IFI16: variants seen among roughly 807,000 people sequenced by gnomAD.
The protein encoded by IFI16 is gamma-interferon-inducible protein 16.
Under a neutral mutation model 68.4 loss-of-function variants are expected in IFI16, and 49 were observed. The observed-to-expected ratio is 0.72, with a 90% CI of 0.57 to 0.91. IFI16 has a LOEUF of 0.91. Ranked by LOEUF, IFI16 falls within the 40% of genes least tolerant of loss-of-function variation. The pLI is 0.00. For missense variants in IFI16, 878 were observed against 942.9 expected (o/e 0.93, Z 0.90); for synonymous variants, 307 against 315.0 (o/e 0.97, Z 0.27).
At chr1:159,020,673 CT>C (rs1429575015) in intron 6 of IFI16, 144 bp downstream of exon 6, 3 of 513,326 alleles carry the variant, frequency 5.8e-6, no homozygotes, top group East Asian at 3.2e-5. Context: ...TTCACATTTA[CT>C]TTTTTTAATT....
At position 159,016,523 on chromosome 1, in the gene IFI16, C is replaced by T. The variant is rs1256245135; in HGVS notation, c.382-10C>T. Reference sequence around the variant, plus strand: ...GAAAACGAATAACAGGAAAATCAAACCACTTTCAGAAAAGAAAAAAATCAA... The same window carrying T: ...GAAAACGAATAACAGGAAAATCAAATCACTTTCAGAAAAGAAAAAAATCAA... On this transcript the variant is annotated splice_polypyrimidine_tract_variant and intron_variant, in intron 3 of 11. Transcript: ENST00000295809. 1.5e-5 allele frequency: 24 copies of T among 1,600,954 alleles called. No homozygotes were observed. The highest frequency in any genetic ancestry group is 2.0e-5 in the Non-Finnish European group (24 of 1,174,784).
At chr1:159,027,166 CAT>C (rs1653722072) in intron 6 of IFI16, among the ~76,000 whole-genome samples, 2 of 152,272 alleles carry the variant, frequency 1.3e-5, no homozygotes, top group South Asian at 2.1e-4. Context: ...GTGGGTTTGT[CAT>C]AGACGGCTTT....
chr1:159,029,374 G>C (rs1186102643), intron 6 of IFI16, among the ~76,000 whole-genome samples: 1 of 152,108 alleles, frequency 6.6e-6, no homozygotes, highest in Non-Finnish European at 1.5e-5. Context: ...AATCTGATAG[G>C]TTCCTTTATA....
chr1:159,052,553 GCTTT>G (rs1655429298), intron 10 of IFI16: 4 of 158,400 alleles, frequency 2.5e-5, no homozygotes, highest in Non-Finnish European at 5.6e-5. Context: ...AGACTACTCT[GCTTT>G]AGAATGCAGC....
At chr1:159,027,470 A>G (rs1653742632) in intron 6 of IFI16, among the ~76,000 whole-genome samples, 1 of 152,072 alleles carries the variant, frequency 6.6e-6, no homozygotes, top group Non-Finnish European at 1.5e-5. Flanking sequence ...CATCAGGGAT[A>G]TTGGTCTGTA....
chr1:159,009,963 GTGACTCAAC>G lies in IFI16; in HGVS notation c.-218_-210del, dbSNP rs1296645129. The G allele has an allele frequency of 1.3e-5, 2 of 152,142 alleles. No individual in the cohort carries two copies. The highest frequency in any genetic ancestry group is 4.8e-5 in the African/African-American group (2 of 41,404). The allele number at this position is 152,142 out of a possible 1,614,324, so 9.4% of individuals were successfully genotyped here. A position where few individuals can be genotyped will look rare whatever the true frequency, so the allele number is the denominator to read the frequency against. ...AAGCCAGCACTAGTCAGCTAACTAA[GTGACTCAAC>G]CAAGGCCTTTTTTCCTTGTTATCTT... On this transcript the variant is annotated 5_prime_UTR_variant, in exon 1 of 12. Coordinates refer to ENST00000295809, the MANE Select transcript of IFI16 (RefSeq NM_001376587.1).
chr1:159,018,420 C>G lies in IFI16; in HGVS notation c.741C>G (p.Thr247=), dbSNP rs770803580. 6.2e-7 allele frequency: 1 copy of G among 1,613,686 alleles called. No individual in the cohort carries two copies. Among genetic ancestry groups the G allele is most frequent in the Non-Finnish European group, 8.5e-7 (1 of 1,179,640 alleles). ...TCTTCCATGTGAAGGTTTTAAACACCAGCTTGAAGGAGAAATTCAATGGAA... is the reference window on the plus strand; with the variant it reads ...TCTTCCATGTGAAGGTTTTAAACACGAGCTTGAAGGAGAAATTCAATGGAA... ...TQFFHVKVLN[T]SLKEKFNGKK... The change falls in exon 5 of 12, where the codon ACC becomes ACG. Residue 247 remains threonine, a synonymous_variant. Coordinates refer to ENST00000295809, the MANE Select transcript of IFI16 (RefSeq NM_001376587.1).
chr1:159,028,747 A>C (rs181376800), intron 6 of IFI16, among the ~76,000 whole-genome samples: 135 of 120,956 alleles, frequency 1.1e-3, no homozygotes, highest in African/African-American at 5.2e-3. Context: ...TTTTAGCATT[A>C]TGTAATGTCC....
At chr1:159,044,050 G>A (rs966008718) in intron 7 of IFI16, among the ~76,000 whole-genome samples, 2 of 152,070 alleles carry the variant, frequency 1.3e-5, no homozygotes, top group South Asian at 2.1e-4. Flanking sequence ...CTAATAGATC[G>A]TGGAAAAATA....
Position 159,018,658 on chromosome 1 carries a change from C to A in IFI16, c.972+7C>A. On this transcript the variant is annotated splice_region_variant and intron_variant, in intron 5 of 11. Transcript: ENST00000295809. Reference sequence around the variant, plus strand: ...GGTATTTATGCTACATAAGGTAAGTCCTCAAAATTGTTTCGTTTCATTTTT... The same window carrying A: ...GGTATTTATGCTACATAAGGTAAGTACTCAAAATTGTTTCGTTTCATTTTT... 6.4e-7 allele frequency: 1 copy of A among 1,572,596 alleles called. No homozygotes were observed. The highest frequency in any genetic ancestry group is 1.2e-5 in the South Asian group (1 of 85,614).
At chr1:159,042,962 G>A (rs113896725) in intron 7 of IFI16, among the ~76,000 whole-genome samples, 27 of 152,282 alleles carry the variant, frequency 1.8e-4, no homozygotes, top group Admixed American at 4.6e-4. Context: ...GAGGGATAGG[G>A]AACACTAAGA....
chr1:159,016,081 T>C (rs1557863709), intron 3 of IFI16, 94 bp downstream of exon 3: 2 of 767,298 alleles, frequency 2.6e-6, no homozygotes, highest in Non-Finnish European at 4.4e-6. Context: ...AGTTATTTCT[T>C]CATGTTTCCC....
intron 1 of IFI16, among the ~76,000 whole-genome samples, chr1:159,011,030 A>AT (rs1380760451): frequency 6.6e-6 from 1 of 152,144 alleles, no homozygotes; most frequent in Non-Finnish European, 1.5e-5. Flanking sequence ...ATCATTACAG[A>AT]TTTTTTCACC....
At position 159,052,091 on chromosome 1, in the gene IFI16, T is replaced by C. The variant is rs780334735; in HGVS notation, c.2078T>C (p.Val693Ala). 2 of 1,609,246 alleles carry C rather than the reference T, an allele frequency of 1.2e-6. No homozygotes were observed. Among genetic ancestry groups the C allele is most frequent in the African/African-American group, 2.7e-5 (2 of 74,838 alleles). The change falls in exon 10 of 12, where the codon GTA becomes GCA. Residue 693 changes from valine to alanine, a missense_variant. This residue lies in a region of IFI16 where 311 missense variants were observed against 305.1 expected (regional missense o/e 1.02). Transcript: ENST00000295809. ...KGSFVNGVFE[V>A]HKKNVRGEFT... ...AGTTTTGTGAATGGGGTGTTTGAGG[T>C]ACATAAGGTAAGCCCACACCATTGT...
At chr1:159,054,162 T>C (rs1267249342) in intron 11 of IFI16, among the ~76,000 whole-genome samples, 1 of 152,140 alleles carries the variant, frequency 6.6e-6, no homozygotes, top group Non-Finnish European at 1.5e-5. Context: ...AGCCCTGAAT[T>C]ACCAAGAATG....
chr1:159,047,895 G>T lies in IFI16; in HGVS notation c.1498-1537G>T, dbSNP rs1342957903. 1.5e-4 allele frequency among the ~76,000 whole-genome samples: 23 copies of T among 150,952 alleles called. No individual in the cohort carries two copies. In the East Asian group the frequency reaches 4.5e-3, roughly 29 times the overall value. ...GCATAATTCATGAACAGGGTAGGGT[G>T]GAGGAGGATTTATTCTGAGGGAAAA... On this transcript the variant is annotated intron_variant, in intron 8 of 11. Transcript: ENST00000295809.
upstream of IFI16, among the ~76,000 whole-genome samples, chr1:159,003,856 T>G (rs1160114112): frequency 2.6e-5 from 4 of 152,028 alleles, no homozygotes; most frequent in African/African-American, 4.8e-5. Flanking sequence ...GAGACGGGGT[T>G]TCACTGTGTT....
intron 6 of IFI16, 156 bp from the exon 7 acceptor site, chr1:159,032,368 T>C: frequency 2.3e-6 from 1 of 428,812 alleles, no homozygotes; most frequent in Non-Finnish European, 4.0e-6. Context: ...AAAAAAATAT[T>C]CTGACAATTG....
chr1:159,047,229 A>T (rs925464620), intron 8 of IFI16, among the ~76,000 whole-genome samples: 2 of 151,334 alleles, frequency 1.3e-5, no homozygotes, highest in African/African-American at 4.8e-5. Flanking sequence ...TCAGTTGAGA[A>T]CAGGCTTTCT....
Sources: gnomAD v4.1 joint callset for allele counts (sites outside exome capture counted in the v4.1 genomes callset) on GRCh38, gnomAD v4.1.1 for gene constraint, gnomAD v4.1.1 regional missense constraint, MANE v1.5 for transcripts, NCBI Gene and HGNC (gene_info 2026-07-23, HGNC 2026-07-21) for gene names.